Variants in FAM185A observed in about 807,000 individuals in gnomAD.
FAM185A encodes the protein family with sequence similarity 185 member A, also known as protein FAM185A.
In FAM185A, 21 loss-of-function variants were observed where a neutral mutation model predicts 45.7. That is an observed-to-expected ratio of 0.46 (90% CI 0.33 to 0.66). The LOEUF (loss-of-function observed/expected upper bound fraction) is 0.66. Ranked by LOEUF, FAM185A falls within the 30% of genes least tolerant of loss-of-function variation. The pLI is 0.03. For missense variants in FAM185A, 305 were observed against 485.4 expected, an observed-to-expected ratio of 0.63 and a Z score of 3.49; for synonymous variants, 117 against 194.0, an observed-to-expected ratio of 0.60 and a Z score of 3.30.
At chr7:102,819,321 A>G in the FAM185A span, among the ~76,000 whole-genome samples, 2 of 152,062 alleles carry the variant, frequency 1.3e-5, no homozygotes, top group Non-Finnish European at 2.9e-5. Flanking sequence ...TTTATCTTGC[A>G]TCCACACGGT....
At chr7:102,775,356 T>C (rs1424990563) in intron 5 of FAM185A, among the ~76,000 whole-genome samples, 1 of 152,210 alleles carries the variant, frequency 6.6e-6, no homozygotes, top group East Asian at 1.9e-4. Context: ...AGCCTTAATT[T>C]TACTCTTGAT....
At chr7:102,812,167 C>T (rs1797471312), downstream of FAM185A, among the ~76,000 whole-genome samples, 1 of 152,174 alleles carries the variant, frequency 6.6e-6, no homozygotes, top group Non-Finnish European at 1.5e-5. Flanking sequence ...TGTGTTTTCT[C>T]TTGGACTGTG....
At chr7:102,805,169 C>A (rs1797035624) in intron 7 of FAM185A, among the ~76,000 whole-genome samples, 1 of 152,150 alleles carries the variant, frequency 6.6e-6, no homozygotes, top group South Asian at 2.1e-4. Flanking sequence ...ATCCAGCAGT[C>A]CCACTACTGG....
intron 7 of FAM185A, among the ~76,000 whole-genome samples, chr7:102,797,311 A>T (rs1796490722): frequency 6.6e-6 from 1 of 151,798 alleles, no homozygotes; most frequent in Non-Finnish European, 1.5e-5. Flanking sequence ...AAATACAAAA[A>T]AATTAGCTGG....
the FAM185A span, among the ~76,000 whole-genome samples, chr7:102,824,261 T>C: frequency 6.6e-6 from 1 of 152,236 alleles, no homozygotes; most frequent in African/African-American, 2.4e-5. Context: ...CAACTACTTT[T>C]GATTCCTTGA....
intron 7 of FAM185A, among the ~76,000 whole-genome samples, chr7:102,806,568 T>G (rs1584373566): frequency 2.0e-5 from 3 of 152,324 alleles, no homozygotes; most frequent in African/African-American, 7.2e-5. Context: ...TTTGTGTTTT[T>G]TTGTTTTAAA....
downstream of FAM185A, chr7:102,813,142 G>A (rs2129444456): frequency 1.7e-6 from 1 of 582,796 alleles, no homozygotes; most frequent in East Asian, 3.3e-5. Flanking sequence ...TCCTGGCCTG[G>A]CTTCTTTTTT....
chr7:102,805,000 G>T (rs117710068), intron 7 of FAM185A, among the ~76,000 whole-genome samples: 4,384 of 152,264 alleles, frequency 0.029, 89 homozygotes, highest in Non-Finnish European at 0.037. Flanking sequence ...ACTCCTGCAA[G>T]AATGGGCAGA....
chr7:102,812,614 C>T (rs983625865), downstream of FAM185A, among the ~76,000 whole-genome samples: 6 of 152,100 alleles, frequency 3.9e-5, no homozygotes, highest in South Asian at 2.1e-4. Context: ...CCTTAAAAAG[C>T]GTTACAGATC....
At chr7:102,839,976 C>T in the FAM185A span, among the ~76,000 whole-genome samples, 141 of 152,148 alleles carry the variant, frequency 9.3e-4, no homozygotes, top group South Asian at 4.4e-3. Context: ...AGACACCTAC[C>T]CAACAGCACA....
chr7:102,812,509 G>A (rs533543055), downstream of FAM185A, among the ~76,000 whole-genome samples: 9 of 152,144 alleles, frequency 5.9e-5, no homozygotes, highest in Non-Finnish European at 1.3e-4. Flanking sequence ...TTAATTGGCG[G>A]CATTTAGTTC....
intron 4 of FAM185A, among the ~76,000 whole-genome samples, chr7:102,766,364 A>G (rs188955609): frequency 3.9e-4 from 59 of 152,378 alleles, no homozygotes; most frequent in African/African-American, 1.4e-3. Context: ...TTTTCTCTGC[A>G]CTTCAAAAGT....
In FAM185A at chr7:102,776,977, C is replaced by A. The variant is rs768930719; in HGVS notation, c.836-276C>A. Among the ~76,000 whole-genome samples, 64 of 152,222 alleles carry A rather than the reference C, an allele frequency of 4.2e-4. 1 individual carries two copies. Among genetic ancestry groups the A allele is most frequent in the South Asian group, 8.3e-4 (4 of 4,822 alleles). ...AAAGGAACCATTACTTGCAGACTCT[C>A]CTTCCGACTCATTAAGTTTTAGAGT... On this transcript the variant is annotated intron_variant, in intron 5 of 7. Coordinates refer to ENST00000413034, the MANE Select transcript of FAM185A (RefSeq NM_001145268.2).
At chr7:102,780,167 C>T (rs1043034959) in intron 6 of FAM185A, among the ~76,000 whole-genome samples, 1 of 152,028 alleles carries the variant, frequency 6.6e-6, no homozygotes, top group African/African-American at 2.4e-5. Flanking sequence ...TGATGTTAGC[C>T]AGATTGGAAG....
the FAM185A span, among the ~76,000 whole-genome samples, chr7:102,842,787 T>G: frequency 6.6e-6 from 1 of 152,196 alleles, no homozygotes; most frequent in Non-Finnish European, 1.5e-5. Flanking sequence ...TTCTAGGGGT[T>G]TCAGTTCCAT....
At chr7:102,833,318 T>C in the FAM185A span, among the ~76,000 whole-genome samples, 2 of 152,126 alleles carry the variant, frequency 1.3e-5, no homozygotes, top group Non-Finnish European at 2.9e-5. Context: ...AGATTGACAG[T>C]GGAATGTAAT....
intron 7 of FAM185A, among the ~76,000 whole-genome samples, chr7:102,797,233 C>T (rs1384843019): frequency 4.6e-5 from 7 of 152,074 alleles, no homozygotes; most frequent in South Asian, 2.1e-4. Flanking sequence ...GAGGCCGAGG[C>T]GGGCAGATCA....
chr7:102,796,464 T>G (rs527466843), intron 7 of FAM185A, among the ~76,000 whole-genome samples: 2 of 152,338 alleles, frequency 1.3e-5, no homozygotes, highest in African/African-American at 4.8e-5. Flanking sequence ...GAATGGGGTT[T>G]GTTTGGGAAA....
chr7:102,758,975 A>G (rs1165409427), intron 3 of FAM185A, among the ~76,000 whole-genome samples: 3 of 152,202 alleles, frequency 2.0e-5, no homozygotes, highest in East Asian at 3.9e-4. Flanking sequence ...TTTATCTTCC[A>G]TCACCTTTCT....
Sources: gnomAD v4.1 joint callset for allele counts (sites outside exome capture counted in the v4.1 genomes callset) on GRCh38, gnomAD v4.1.1 for gene constraint, MANE v1.5 for transcripts, NCBI Gene and HGNC (gene_info 2026-07-23, HGNC 2026-07-21) for gene names.